ATP9A: variants seen among roughly 807,000 people sequenced by gnomAD.
ATP9A encodes ATPase phospholipid transporting 9A.
Under a neutral mutation model 144.1 loss-of-function variants are expected in ATP9A, and 52 were observed. The ratio of observed to expected loss-of-function variants is 0.36; its 90% CI spans 0.29 to 0.45. ATP9A has a LOEUF of 0.45. ATP9A is among the 20% of genes least tolerant of loss of function. The pLI, the probability that ATP9A is intolerant of heterozygous loss-of-function variation, is 1.00. For synonymous variants in ATP9A, 582 were observed against 557.4 expected, an observed-to-expected ratio of 1.04 and a Z score of -0.62; for missense variants, 947 against 1,392.7, an observed-to-expected ratio of 0.68 and a Z score of 5.09.
At chr20:51,643,395 T>C (rs1373119205) in intron 14 of ATP9A, among the ~76,000 whole-genome samples, 1 of 152,246 alleles carries the variant, frequency 6.6e-6, no homozygotes, top group Non-Finnish European at 1.5e-5. Flanking sequence ...AGACTATGTT[T>C]ATGTCCCCTA....
At chr20:51,767,301 T>C (rs1019409126) in intron 1 of ATP9A, among the ~76,000 whole-genome samples, 1 of 152,064 alleles carries the variant, frequency 6.6e-6, no homozygotes, top group Non-Finnish European at 1.5e-5. Flanking sequence ...CTGCGCGGCC[T>C]GTGGAGCTGC....
Position 51,658,892 on chromosome 20 carries a change from G to GGGGGGGGC in ATP9A, c.1294-1743_1294-1742insGCCCCCCC, listed in dbSNP as rs1555833852. Among the ~76,000 whole-genome samples the GGGGGGGGC allele has an allele frequency of 1.8e-5, 2 of 109,224 alleles. 1 individual carries two copies. Among genetic ancestry groups the GGGGGGGGC allele is most frequent in the Non-Finnish European group, 4.0e-5 (2 of 50,232 alleles). The allele number at this position is 109,224 out of a possible 152,430, so 71.7% of individuals were successfully genotyped here. A position where few individuals can be genotyped will look rare whatever the true frequency, so the allele number is the denominator to read the frequency against. On this transcript the variant is annotated intron_variant, in intron 13 of 27. Coordinates refer to ENST00000338821, the MANE Select transcript of ATP9A (RefSeq NM_006045.3). The stretch of plus-strand genomic sequence containing the variant: ...AATGAAAATTAAGACCACTGGCGGG[G>GGGGGGGGC]GGGGGGGGGGGAAGGCTCATTGTTG...
At chr20:51,757,038 T>A (rs764434126) in intron 1 of ATP9A, among the ~76,000 whole-genome samples, 1 of 152,072 alleles carries the variant, frequency 6.6e-6, no homozygotes, top group East Asian at 1.9e-4. Flanking sequence ...CTTGGCAATG[T>A]CTGGAGACAT....
rs879620019 is a variant in ATP9A, at chr20:51,687,237, G to A, written c.799+1827C>T. On this transcript the variant is annotated intron_variant, in intron 9 of 27. Transcript: ENST00000338821. ...CAGGCATGACCGTGCAGAATTTCTC[G>A]CTCTTTAGTCATCAGGGGGACTGAG... 5.3e-5 allele frequency among the ~76,000 whole-genome samples: 8 copies of A among 152,170 alleles called. No homozygotes were observed. In the East Asian group the frequency reaches 7.7e-4, roughly 15 times the overall value.
Position 51,768,373 on chromosome 20 carries a change from G to C in ATP9A, c.-4C>G, listed in dbSNP as rs749091369. ...GCAGCGGGATGTTGTCCGTCATGTC[G>C]GCGGCGCCGCCCGCCTTGGCCGCCG... is the stretch of plus-strand genomic sequence containing the variant. On this transcript the variant is annotated 5_prime_UTR_variant, in exon 1 of 28. Coordinates refer to ENST00000338821, the MANE Select transcript of ATP9A (RefSeq NM_006045.3). 4.1e-6 allele frequency: 5 copies of C among 1,215,318 alleles called. No individual in the cohort carries two copies. The highest frequency in any genetic ancestry group is 3.2e-5 in the African/African-American group (2 of 62,906). 75.3% of individuals were successfully genotyped at this position (1,215,318 alleles called of 1,614,324 possible).
chr20:51,676,945 T>TTTTTG (rs2077479964), intron 9 of ATP9A, among the ~76,000 whole-genome samples: 1 of 103,850 alleles, frequency 9.6e-6, no homozygotes, highest in African/African-American at 3.4e-5. Flanking sequence ...TTTTTTTTTT[T>TTTTTG]GAGAGAGGGT....
chr20:51,700,366 CA>C (rs764346525), intron 4 of ATP9A, among the ~76,000 whole-genome samples: 1 of 152,088 alleles, frequency 6.6e-6, no homozygotes, highest in Admixed American at 6.5e-5. Context: ...ACAACAAACA[CA>C]AAAAATCAGC....
chr20:51,625,004 C>CAAAA (rs71192538), intron 18 of ATP9A, among the ~76,000 whole-genome samples, 188 bp downstream of exon 18: 18 of 100,782 alleles, frequency 1.8e-4, no homozygotes, highest in Non-Finnish European at 3.0e-4. Flanking sequence ...GACCCCGTCT[C>CAAAA]AAAAAAAAAA....
chr20:51,618,874 C>G, intron 20 of ATP9A, 68 bp from the exon 21 acceptor site: 1 of 1,588,124 alleles, frequency 6.3e-7, no homozygotes, highest in Non-Finnish European at 8.6e-7. Flanking sequence ...AGGTCGCTGC[C>G]GAGCCTGCAG....
chr20:51,726,842 G>A (rs1022733173), intron 2 of ATP9A, among the ~76,000 whole-genome samples: 3 of 146,568 alleles, frequency 2.0e-5, no homozygotes, highest in Non-Finnish European at 4.5e-5. Flanking sequence ...GCCTCCCAAA[G>A]TGTTGGGATT....
At chr20:51,693,670 G>A (rs773893712) in intron 7 of ATP9A, among the ~76,000 whole-genome samples, 5 of 152,164 alleles carry the variant, frequency 3.3e-5, no homozygotes, top group East Asian at 3.9e-4. Context: ...CTTGAGGAGC[G>A]GGGACTACAG....
intron 5 of ATP9A, among the ~76,000 whole-genome samples, chr20:51,696,711 C>G (rs1247337158): frequency 6.6e-6 from 1 of 152,110 alleles, no homozygotes; most frequent in Non-Finnish European, 1.5e-5. Context: ...AGCTGCCACC[C>G]AAAAGAGTTT....
chr20:51,721,564 C>G (rs1295502161), intron 3 of ATP9A, among the ~76,000 whole-genome samples: 1 of 152,044 alleles, frequency 6.6e-6, no homozygotes, highest in African/African-American at 2.4e-5. Context: ...CTTTGGGAGG[C>G]CAAGGTGGGT....
intron 3 of ATP9A, among the ~76,000 whole-genome samples, chr20:51,718,408 T>C (rs943806728): frequency 2.6e-5 from 4 of 151,934 alleles, no homozygotes. Context: ...TTTTGGTACT[T>C]TAAATATTTC....
chr20:51,630,970 C>T lies in ATP9A; in HGVS notation c.1669-1898G>A, dbSNP rs2077267529. On this transcript the variant is annotated intron_variant, in intron 15 of 27. Coordinates refer to ENST00000338821, the MANE Select transcript of ATP9A (RefSeq NM_006045.3). ...TAGGGAGTAACAGTATGGACATCCA[C>T]CTGTTTTCCTGCCGCCCAAAACTAC... 2.0e-5 allele frequency among the ~76,000 whole-genome samples: 3 copies of T among 152,222 alleles called. No homozygotes were observed. The South Asian group carries it at 6.2e-4, about 32-fold the overall frequency.
intron 1 of ATP9A, among the ~76,000 whole-genome samples, chr20:51,757,029 T>C (rs2077859555): frequency 6.6e-6 from 1 of 152,064 alleles, no homozygotes; most frequent in African/African-American, 2.4e-5. Context: ...CAGAGGACAC[T>C]TGGCAATGTC....
intron 26 of ATP9A, among the ~76,000 whole-genome samples, chr20:51,605,398 G>A (rs1413814943): frequency 1.3e-5 from 2 of 152,080 alleles, no homozygotes; most frequent in African/African-American, 4.8e-5. Flanking sequence ...TGGGTGGATT[G>A]CTTGAGCTCA....
intron 2 of ATP9A, among the ~76,000 whole-genome samples, chr20:51,728,686 A>G (rs1297852345): frequency 6.6e-6 from 1 of 151,796 alleles, no homozygotes; most frequent in African/African-American, 2.4e-5. Flanking sequence ...GCATGGCTTG[A>G]GCCCAGGAGT....
At position 51,693,511 on chromosome 20, in the gene ATP9A, G is replaced by T. The variant is rs74638315; in HGVS notation, c.642+497C>A. On this transcript the variant is annotated intron_variant, in intron 7 of 27. Coordinates refer to ENST00000338821, the MANE Select transcript of ATP9A (RefSeq NM_006045.3). Reference sequence around the variant, plus strand: ...TAAGATGAGAAATCTTTGGAGGGTTGTTTTTTTTTTATTTTATGGTTATTA... The same window carrying T: ...TAAGATGAGAAATCTTTGGAGGGTTTTTTTTTTTTTATTTTATGGTTATTA... 4.8e-3 allele frequency among the ~76,000 whole-genome samples: 709 copies of T among 147,324 alleles called. 2 individuals carry two copies. The highest frequency in any genetic ancestry group is 0.016 in the African/African-American group (627 of 38,864).
Sources: allele counts gnomAD v4.1 joint callset (sites outside exome capture counted in the v4.1 genomes callset), GRCh38; gene constraint gnomAD v4.1.1; transcripts MANE v1.5; gene names NCBI Gene and HGNC (gene_info 2026-07-23, HGNC 2026-07-21).